PTPRD: variants seen among roughly 807,000 people sequenced by gnomAD.
PTPRD encodes protein tyrosine phosphatase receptor type D.
In PTPRD, 34 loss-of-function variants were observed where a neutral mutation model predicts 214.5. The observed-to-expected ratio is 0.16, with a 90% CI of 0.12 to 0.21. The LOEUF (loss-of-function observed/expected upper bound fraction) is 0.21. Among genes scored for constraint, PTPRD ranks in the 10% least tolerant of loss-of-function variants. PTPRD has a pLI of 1.00. For missense variants in PTPRD, 2,545 were observed against 2,398.7 expected, an observed-to-expected ratio of 1.06 and a Z score of -1.27; for synonymous variants, 1,128 against 845.7, an observed-to-expected ratio of 1.33 and a Z score of -5.79.
intron 10 of PTPRD, among the ~76,000 whole-genome samples, chr9:9,172,365 G>C (rs2099921995): frequency 6.6e-6 from 1 of 152,094 alleles, no homozygotes; most frequent in Non-Finnish European, 1.5e-5. Context: ...TAAAATGTTT[G>C]GGATCCAAGC....
chr9:8,795,682 T>C (rs1361082714), intron 11 of PTPRD, among the ~76,000 whole-genome samples: 1 of 152,206 alleles, frequency 6.6e-6, no homozygotes, highest in Non-Finnish European at 1.5e-5. Flanking sequence ...TAGATTGCAA[T>C]GTCCTTTTAA....
intron 5 of PTPRD, among the ~76,000 whole-genome samples, chr9:9,871,292 C>G (rs2065346744): frequency 6.6e-6 from 1 of 151,956 alleles, no homozygotes; most frequent in Non-Finnish European, 1.5e-5. Context: ...ACAGTAAGAC[C>G]AAAAGGGTAG....
At chr9:10,199,358 G>C (rs372099517) in intron 3 of PTPRD, among the ~76,000 whole-genome samples, 4 of 152,110 alleles carry the variant, frequency 2.6e-5, no homozygotes, top group Non-Finnish European at 4.4e-5. Context: ...TATAATGATA[G>C]GAGAAACTTG....
chr9:10,273,540 G>C (rs923087022), intron 3 of PTPRD, among the ~76,000 whole-genome samples: 1 of 152,116 alleles, frequency 6.6e-6, no homozygotes, highest in Non-Finnish European at 1.5e-5. Context: ...TTCTGAGGCA[G>C]TAGAAATGCA....
intron 33 of PTPRD, among the ~76,000 whole-genome samples, chr9:8,453,497 G>A (rs1590928307): frequency 1.3e-5 from 2 of 152,256 alleles, no homozygotes; most frequent in East Asian, 3.9e-4. Context: ...AGTTTAAAGT[G>A]TTTTGTCTTT....
chr9:9,484,599 ACATT>A (rs1283943651), intron 8 of PTPRD, among the ~76,000 whole-genome samples: 1 of 152,178 alleles, frequency 6.6e-6, no homozygotes, highest in Non-Finnish European at 1.5e-5. Context: ...TTATTGGTTT[ACATT>A]CATTCAGTGC....
At chr9:9,674,044 G>C (rs917994270) in intron 7 of PTPRD, among the ~76,000 whole-genome samples, 12 of 151,734 alleles carry the variant, frequency 7.9e-5, no homozygotes, top group African/African-American at 2.7e-4. Context: ...AGGAGGAAGA[G>C]AGAAAATAAT....
At chr9:9,209,070 AGTGCTGG>A (rs2099946859) in intron 9 of PTPRD, among the ~76,000 whole-genome samples, 9 of 152,116 alleles carry the variant, frequency 5.9e-5, no homozygotes, top group Admixed American at 5.9e-4. Context: ...GGCCTCCCAA[AGTGCTGG>A]AATTACAGGC....
chr9:10,466,065 C>A (rs1363287349), intron 2 of PTPRD, among the ~76,000 whole-genome samples: 2 of 152,116 alleles, frequency 1.3e-5, no homozygotes, highest in African/African-American at 4.8e-5. Context: ...TTTGCAGTAG[C>A]TGGGGATACT....
intron 2 of PTPRD, among the ~76,000 whole-genome samples, chr9:10,606,533 C>A (rs1247485685): frequency 7.0e-6 from 1 of 143,500 alleles, no homozygotes; most frequent in African/African-American, 2.6e-5. Context: ...TCTTTATTTT[C>A]TTTTTTTTTT....
chr9:8,317,023 A>C lies in PTPRD; in HGVS notation c.*851T>G, dbSNP rs1304836769. 4.3e-6 allele frequency: 1 copy of C among 231,644 alleles called. No homozygotes were observed. The highest frequency in any genetic ancestry group is 8.6e-6 in the Non-Finnish European group (1 of 116,856). 14.3% of individuals were successfully genotyped at this position (231,644 alleles called of 1,614,324 possible). On this transcript the variant is annotated 3_prime_UTR_variant, in exon 46 of 46. Transcript: ENST00000381196. ...CTTTATACTTTGCGCCTCCCTGTTGATTCCAAAAACAAAACAAAATAATAA... is the reference window on the plus strand; with the variant it reads ...CTTTATACTTTGCGCCTCCCTGTTGCTTCCAAAAACAAAACAAAATAATAA...
intron 8 of PTPRD, among the ~76,000 whole-genome samples, chr9:9,448,635 G>C (rs1432919079): frequency 6.6e-6 from 1 of 151,956 alleles, no homozygotes; most frequent in East Asian, 1.9e-4. Flanking sequence ...GCATTCACTG[G>C]ATGCCCTGCT....
intron 12 of PTPRD, among the ~76,000 whole-genome samples, chr9:8,702,253 G>T (rs1242800679): frequency 1.4e-5 from 2 of 140,150 alleles, no homozygotes; most frequent in Non-Finnish European, 3.1e-5. Flanking sequence ...ATTTTAGTGT[G>T]TAAAGTAAAA....
intron 9 of PTPRD, among the ~76,000 whole-genome samples, chr9:9,394,784 T>G (rs1037269183): frequency 2.0e-5 from 3 of 152,080 alleles, no homozygotes; most frequent in African/African-American, 7.2e-5. Flanking sequence ...TTGTGTGGTC[T>G]AAAACAATGG....
chr9:9,054,978 C>T (rs980062183), intron 10 of PTPRD, among the ~76,000 whole-genome samples: 1 of 152,128 alleles, frequency 6.6e-6, no homozygotes, highest in African/African-American at 2.4e-5. Flanking sequence ...TCAACCCCAT[C>T]TACCAGTCAC....
Position 8,806,020 on chromosome 9 carries a change from A to G in PTPRD, c.-103-72074T>C, listed in dbSNP as rs2096671617. 2.0e-5 allele frequency among the ~76,000 whole-genome samples: 3 copies of G among 150,714 alleles called. No individual in the cohort carries two copies. In the South Asian group the frequency reaches 6.3e-4, roughly 32 times the overall value. On this transcript the variant is annotated intron_variant, in intron 11 of 45. Coordinates refer to ENST00000381196, the MANE Select transcript of PTPRD (RefSeq NM_002839.4). ...AGAAAAAAAAAAAAAAAAGAAAGAA[A>G]AAAAGAAATTCTCCTGCCTCAGCCT...
intron 3 of PTPRD, among the ~76,000 whole-genome samples, chr9:10,311,523 T>C (rs2096266682): frequency 6.6e-6 from 1 of 152,056 alleles, no homozygotes; most frequent in South Asian, 2.1e-4. Flanking sequence ...CACTCTCTGC[T>C]TCATTGGGAT....
intron 5 of PTPRD, among the ~76,000 whole-genome samples, chr9:9,902,691 G>A (rs1338618634): frequency 2.0e-5 from 3 of 152,110 alleles, no homozygotes; most frequent in Non-Finnish European, 4.4e-5. Context: ...ATCATGGGGT[G>A]ATGATGAGTT....
chr9:10,180,196 A>G (rs1049982558), intron 3 of PTPRD, among the ~76,000 whole-genome samples: 13 of 152,228 alleles, frequency 8.5e-5, no homozygotes, highest in Admixed American at 3.9e-4. Context: ...ATCAAATTAT[A>G]TATAGGATAG....
Sources: gnomAD v4.1 joint callset for allele counts (sites outside exome capture counted in the v4.1 genomes callset) on GRCh38, gnomAD v4.1.1 for gene constraint, MANE v1.5 for transcripts, NCBI Gene and HGNC (gene_info 2026-07-23, HGNC 2026-07-21) for gene names.